HK2: variants seen among roughly 807,000 people sequenced by gnomAD.
HK2 encodes the protein hexokinase 2.
HK2 carries 42 observed loss-of-function variants against 92.9 expected under a neutral mutation model. That is an observed-to-expected ratio of 0.45 (90% CI 0.35 to 0.58). The LOEUF is 0.58. Among genes scored for constraint, HK2 ranks in the 20% least tolerant of loss-of-function variants. The pLI is 0.00. For missense variants in HK2, 978 were observed against 1,245.1 expected (o/e 0.79, Z 3.23); for synonymous variants, 422 against 468.0 (o/e 0.90, Z 1.27).
intron 2 of HK2, among the ~76,000 whole-genome samples, chr2:74,861,767 TAAG>T (rs956970257): frequency 3.3e-5 from 5 of 152,350 alleles, no homozygotes; most frequent in African/African-American, 1.2e-4. Flanking sequence ...ATCATTCCAA[TAAG>T]AAGCTCAAGT....
Position 74,834,788 on chromosome 2 carries a change from T to G in HK2, c.63+145T>G, listed in dbSNP as rs1472710606. ...AAAGTTTGGGCAGCCGGGACACTCC[T>G]GGGCGCCAGGAGCCACGTCCGCTAA... On this transcript the variant is annotated intron_variant, in intron 1 of 17. Transcript: ENST00000290573. This position sits in a 1 kb window ranked among gnomAD's most constrained non-coding sequence, Gnocchi z 4.2. 3.4e-6 allele frequency: 3 copies of G among 874,494 alleles called. No individual in the cohort carries two copies. The highest frequency in any genetic ancestry group is 5.6e-6 in the Non-Finnish European group (3 of 537,982). The allele number at this position is 874,494 out of a possible 1,614,324, so 54.2% of individuals were successfully genotyped here.
At chr2:74,861,825 A>G (rs1192668291) in intron 2 of HK2, among the ~76,000 whole-genome samples, 2 of 152,242 alleles carry the variant, frequency 1.3e-5, no homozygotes, top group Non-Finnish European at 2.9e-5. Flanking sequence ...TAACTTAGAA[A>G]TGAAGTAACT....
chr2:74,860,629 T>C (rs1688804135), intron 2 of HK2, among the ~76,000 whole-genome samples: 1 of 152,240 alleles, frequency 6.6e-6, no homozygotes, highest in Non-Finnish European at 1.5e-5. Context: ...GATTAGAATC[T>C]GATATGAATA....
rs1217873301 is a variant in HK2, at chr2:74,877,120, C to G, written c.876-46C>G. The G allele has an allele frequency of 1.4e-5, 22 of 1,611,370 alleles. No individual in the cohort carries two copies. In the Admixed American group the frequency reaches 3.7e-4, roughly 27 times the overall value. ...TGCTTCAACAGGGAAGCTATGAGTA[C>G]ATGGGCAGTGGGGACTTTATGTTTT... On this transcript the variant is annotated intron_variant, in intron 7 of 17. Transcript: ENST00000290573.
At chr2:74,855,903 G>T (rs895902337) in intron 2 of HK2, among the ~76,000 whole-genome samples, 1 of 152,170 alleles carries the variant, frequency 6.6e-6, no homozygotes, top group South Asian at 2.1e-4. Flanking sequence ...ACCGAACAAA[G>T]TTGTGTCAGA....
chr2:74,882,120 C>G lies in HK2; in HGVS notation c.1720C>G (p.Leu574Val). 6.2e-7 allele frequency: 1 copy of G among 1,614,170 alleles called. No individual in the cohort carries two copies. The highest frequency in any genetic ancestry group is 8.5e-7 in the Non-Finnish European group (1 of 1,180,006). The change falls in exon 12 of 18, where the codon CTC (leucine) becomes GTC (valine). Residue 574 changes from leucine to valine, a missense_variant and splice_region_variant. Leu to Val is a conservative substitution (Grantham distance 32). Around this residue, in one of 3 missense-constraint regions of HK2, gnomAD observed 742 missense variants for 922.5 expected, o/e 0.80. Transcript: ENST00000290573. ...TCAGTGTCCTAACTTCTCCCTGCAG[C>G]TCTTTGACCACATTGTCCAGTGCAT... ...QEVMHGTGDELFDHIVQCIAD... is the reference protein window; with the variant it reads ...QEVMHGTGDEVFDHIVQCIAD...
At chr2:74,838,500 G>T (rs1688224067) in intron 1 of HK2, among the ~76,000 whole-genome samples, 1 of 151,064 alleles carries the variant, frequency 6.6e-6, no homozygotes, top group South Asian at 2.1e-4. Context: ...AATCAAGACT[G>T]TGTGTCCTGC....
intron 13 of HK2, 24 bp downstream of exon 13, chr2:74,885,613 C>G (rs758272470): frequency 3.4e-6 from 5 of 1,453,424 alleles, no homozygotes; most frequent in Non-Finnish European, 4.8e-6. Context: ...GGCACGAGGT[C>G]TGATGTGTCA....
rs1387189940 is a variant in HK2 at position 74,893,129 on chromosome 2, AATGTTT to A, written c.*2194_*2199del. The A allele has an allele frequency of 6.6e-6, 1 of 151,160 alleles. No individual in the cohort carries two copies. Among genetic ancestry groups the A allele is most frequent in the Non-Finnish European group, 1.5e-5 (1 of 67,922 alleles). The allele number at this position is 151,160 out of a possible 1,614,324, so 9.4% of individuals were successfully genotyped here. On this transcript the variant is annotated 3_prime_UTR_variant, in exon 18 of 18. Transcript: ENST00000290573. ...AAGGAACACTGGAAAATAAATTTTG[AATGTTT>A]ATGTTCTCAGAATCAGGTTGACAGT...
intron 1 of HK2, among the ~76,000 whole-genome samples, chr2:74,836,441 G>A (rs189474661): frequency 6.6e-6 from 1 of 152,310 alleles, no homozygotes; most frequent in East Asian, 1.9e-4. Context: ...ATAGCACCCT[G>A]AGCCTCTTTG....
intron 3 of HK2, among the ~76,000 whole-genome samples, chr2:74,869,531 G>C (rs186179182): frequency 6.6e-6 from 1 of 152,174 alleles, no homozygotes; most frequent in African/African-American, 2.4e-5. Context: ...GGGGTCCTTC[G>C]GTAAAGTCTG....
chr2:74,853,283 G>A (rs1180874788), intron 1 of HK2, among the ~76,000 whole-genome samples: 4 of 152,106 alleles, frequency 2.6e-5, no homozygotes, highest in Non-Finnish European at 4.4e-5. Context: ...TTGGGAGGCC[G>A]AGGCAGGTGG....
At chr2:74,877,088 C>G in intron 7 of HK2, 78 bp from the exon 8 acceptor site, 1 of 1,572,208 alleles carries the variant, frequency 6.4e-7, no homozygotes, top group Non-Finnish European at 8.7e-7. Context: ...TGCACGTGTG[C>G]GCATCTTGCT....
chr2:74,867,891 A>T (rs989724041), intron 3 of HK2, 107 bp downstream of exon 3: 2 of 1,289,446 alleles, frequency 1.6e-6, no homozygotes, highest in African/African-American at 2.9e-5. Flanking sequence ...CAGTCACCCA[A>T]GACACTCATG....
In HK2 at chr2:74,834,296, C is replaced by G; in HGVS notation, c.-285C>G. ...CTTCTCAAGTTGAGCCTCAGTGATC[C>G]TGTGGCCGAAGTTAGCGCCTTGACG... On this transcript the variant is annotated 5_prime_UTR_variant, in exon 1 of 18. Coordinates refer to ENST00000290573, the MANE Select transcript of HK2 (RefSeq NM_000189.5). This position sits in a 1 kb window ranked among gnomAD's most constrained non-coding sequence, Gnocchi z 4.2. 1.9e-6 allele frequency: 1 copy of G among 521,896 alleles called. No homozygotes were observed. The highest frequency in any genetic ancestry group is 3.5e-6 in the Non-Finnish European group (1 of 286,706). 32.3% of individuals were successfully genotyped at this position (521,896 alleles called of 1,614,324 possible).
rs1185667718 is a variant in HK2 at position 74,886,278 on chromosome 2, G to A, written c.1936-16G>A. The A allele has an allele frequency of 3.1e-6, 5 of 1,606,330 alleles. No individual in the cohort carries two copies. The highest frequency in any genetic ancestry group is 4.3e-6 in the Non-Finnish European group (5 of 1,173,050). On this transcript the variant is annotated splice_polypyrimidine_tract_variant and intron_variant, in intron 13 of 17. Transcript: ENST00000290573. ...GGGTTCACCTGTGAACTGGGCATCT[G>A]CTTCTTCCCTCTCAGGAGTTTGACC...
At chr2:74,870,389 C>T (rs932584250) in intron 3 of HK2, among the ~76,000 whole-genome samples, 2 of 152,062 alleles carry the variant, frequency 1.3e-5, no homozygotes, top group Non-Finnish European at 2.9e-5. Flanking sequence ...TTTAATGCTT[C>T]TTCACGGTCT....
rs2229629 is a variant in HK2, at chr2:74,889,400, G to A, written c.2531G>A (p.Arg844Lys). 0.044 allele frequency: 71,755 copies of A among 1,613,952 alleles called. 12,294 individuals carry two copies. In the African/African-American group the frequency reaches 0.55, roughly 12 times the overall value. The change falls in exon 17 of 18, where the codon AGG becomes AAG. Residue 844 changes from arginine (R) to lysine (K), a missense_variant. Around this residue, in one of 3 missense-constraint regions of HK2, gnomAD observed 742 missense variants for 922.5 expected, o/e 0.80. Transcript: ENST00000290573. ...CGAGMAAVVD[R>K]IRENRGLDAL... ...GCAGGCATGGCCGCTGTGGTGGACA[G>A]GATACGAGAAAACCGTGGGCTGGAC...
rs1225149949 is a variant in HK2, at chr2:74,885,553, G to T, written c.1899G>T (p.Val633=). The T allele has an allele frequency of 2.5e-6, 4 of 1,613,798 alleles. No individual in the cohort carries two copies. In the African/African-American group the frequency reaches 5.3e-5, roughly 22 times the overall value. Residue 633 remains valine, a synonymous_variant, in exon 13 of 18, where the codon GTG becomes GTT. Coordinates refer to ENST00000290573, the MANE Select transcript of HK2 (RefSeq NM_000189.5). ...FKASGCEGED[V]VTLLKEAIHR... is the part of the protein sequence containing the mutation. ...CATCTGGCTGCGAGGGCGAGGACGT[G>T]GTGACCCTGCTGAAGGAAGCGATCC...
Sources: allele counts gnomAD v4.1 joint callset (sites outside exome capture counted in the v4.1 genomes callset), GRCh38; gene constraint gnomAD v4.1.1; regional missense constraint gnomAD v4.1.1; non-coding constraint Gnocchi (gnomAD v3.1); transcripts MANE v1.5; gene names NCBI Gene and HGNC (gene_info 2026-07-23, HGNC 2026-07-21).